The following PHF20L1 variants were observed in gnomAD, a reference collection of about 807,000 sequenced individuals.
PHF20L1 encodes PHD finger protein 20 like 1.
In PHF20L1, 44 loss-of-function variants were observed where a neutral mutation model predicts 125.5. The observed-to-expected ratio is 0.35, with a 90% CI of 0.28 to 0.45. PHF20L1 has a LOEUF of 0.45. PHF20L1 is among the 20% of genes least tolerant of loss of function. The pLI is 1.00. For missense variants in PHF20L1, 1,012 were observed against 1,217.2 expected (o/e 0.83, Z 2.51); for synonymous variants, 380 against 403.1 (o/e 0.94, Z 0.69).
intron 9 of PHF20L1, 99 bp from the exon 10 acceptor site, chr8:132,814,535 CAAT>C: frequency 1.3e-6 from 1 of 742,930 alleles, no homozygotes; most frequent in Middle Eastern, 3.9e-4. Flanking sequence ...TGTTGCTTAA[CAAT>C]GTTTCTGGAT....
intron 6 of PHF20L1, among the ~76,000 whole-genome samples, chr8:132,800,137 T>C (rs1254167419): frequency 6.6e-6 from 1 of 151,598 alleles, no homozygotes; most frequent in African/African-American, 2.4e-5. Context: ...TAAAACTTTG[T>C]TTTTTCAAAG....
At chr8:132,815,390 T>C (rs1388183890) in intron 10 of PHF20L1, 2 of 151,828 alleles carry the variant, frequency 1.3e-5, no homozygotes, top group Non-Finnish European at 2.9e-5. Flanking sequence ...ACTGTTTCAG[T>C]ACTTCTAATT....
At chr8:132,800,027 A>G (rs1832861707) in intron 6 of PHF20L1, 1 of 151,650 alleles carries the variant, frequency 6.6e-6, no homozygotes, top group African/African-American at 2.4e-5. Context: ...ATACCTGCTT[A>G]AGCAAAAGTC....
chr8:132,797,239 C>T (rs546737189), intron 4 of PHF20L1, among the ~76,000 whole-genome samples: 11 of 151,836 alleles, frequency 7.2e-5, no homozygotes, highest in Admixed American at 5.9e-4. Flanking sequence ...CCCACCTTGA[C>T]AAAAATCAGA....
At chr8:132,786,488 C>G (rs1022102608) in intron 2 of PHF20L1, among the ~76,000 whole-genome samples, 2 of 151,988 alleles carry the variant, frequency 1.3e-5, no homozygotes, top group African/African-American at 4.8e-5. Context: ...AAATAGATAA[C>G]TTGATTTTTG....
intron 18 of PHF20L1, among the ~76,000 whole-genome samples, chr8:132,840,763 C>T (rs1177568348): frequency 6.6e-6 from 1 of 152,070 alleles, no homozygotes; most frequent in Admixed American, 6.6e-5. Flanking sequence ...CTAGAGTTGA[C>T]CATGTTCTTC....
chr8:132,798,895 GT>G lies in PHF20L1; in HGVS notation c.429+37del, dbSNP rs539116453. Reference sequence around the variant, plus strand: ...TTCAGTATTCCTAGCTACCCAAAGGGTTATCTTCTTGAACGGTGACTGATCA... The same window carrying G: ...TTCAGTATTCCTAGCTACCCAAAGGGTATCTTCTTGAACGGTGACTGATCA... On this transcript the variant is annotated intron_variant, in intron 5 of 20. Transcript: ENST00000395386. 2.7e-4 allele frequency: 381 copies of G among 1,399,986 alleles called. 2 individuals carry two copies. In the African/African-American group the frequency reaches 5.0e-3, roughly 18 times the overall value. The allele number at this position is 1,399,986 out of a possible 1,614,324, so 86.7% of individuals were successfully genotyped here.
intron 12 of PHF20L1, among the ~76,000 whole-genome samples, chr8:132,821,824 T>A (rs766605089): frequency 7.9e-5 from 12 of 151,992 alleles, no homozygotes; most frequent in Non-Finnish European, 1.6e-4. Context: ...CGTTTTGTAT[T>A]CAGCTGCCAG....
chr8:132,839,600 A>G lies in PHF20L1; in HGVS notation c.2387+18A>G, dbSNP rs1351931910. 1.3e-6 allele frequency: 2 copies of G among 1,588,662 alleles called. No homozygotes were observed. The highest frequency in any genetic ancestry group is 2.7e-5 in the African/African-American group (2 of 74,526). On this transcript the variant is annotated intron_variant, in intron 18 of 20. Transcript: ENST00000395386. ...ATACTAAAGTAAGTGAAGGGCAGCA[A>G]AGGGAGGGTCACACTTCAGTGGACG... is the stretch of plus-strand genomic sequence containing the variant.
chr8:132,827,399 C>G (rs1836300152), intron 14 of PHF20L1, among the ~76,000 whole-genome samples: 2 of 151,988 alleles, frequency 1.3e-5, no homozygotes, highest in Admixed American at 6.6e-5. Flanking sequence ...CTTAGGTGTT[C>G]CAATGGAGAC....
chr8:132,801,393 G>C (rs1165451028), intron 6 of PHF20L1, among the ~76,000 whole-genome samples: 1 of 151,708 alleles, frequency 6.6e-6, no homozygotes, highest in Non-Finnish European at 1.5e-5. Context: ...AGAATCCAGT[G>C]ACTTAAAATT....
rs1281430778 is a variant in PHF20L1 at position 132,775,397 on chromosome 8, CGGCGGCGGA to C, written c.-277_-269del. On this transcript the variant is annotated 5_prime_UTR_variant, in exon 1 of 21. Coordinates refer to ENST00000395386, the MANE Select transcript of PHF20L1 (RefSeq NM_016018.5). ...GGCCCGGCGTCGCGTCAGGGCTGGC[CGGCGGCGGA>C]GGCGGCGGCGGCGGCGGCGATGGCA... is the stretch of plus-strand genomic sequence containing the variant. The C allele has an allele frequency of 7.9e-6, 3 of 380,186 alleles. No individual in the cohort carries two copies. Among genetic ancestry groups the C allele is most frequent in the Non-Finnish European group, 1.4e-5 (3 of 216,924 alleles). The allele number at this position is 380,186 out of a possible 1,614,324, so 23.6% of individuals were successfully genotyped here. A position where few individuals can be genotyped will look rare whatever the true frequency, so the allele number is the denominator to read the frequency against.
At position 132,845,798 on chromosome 8, in the gene PHF20L1, G is replaced by T; in HGVS notation, c.2929G>T (p.Asp977Tyr). The change falls in exon 21 of 21, where the codon GAT (aspartate) becomes TAT (tyrosine). Residue 977 changes from aspartate to tyrosine, a missense_variant. Physicochemically the swap from Asp to Tyr is radical, Grantham distance 160. Coordinates refer to ENST00000395386, the MANE Select transcript of PHF20L1 (RefSeq NM_016018.5). ...TCTTTTAGTTCTGGAAAGCTGGCTT[G>T]ATTTCACAGGGGAGTTGGAGCCACC... is the stretch of plus-strand genomic sequence containing the variant. ...KEVDVLESWL[D>Y]FTGELEPPDP... The T allele has an allele frequency of 2.5e-6, 4 of 1,610,066 alleles. No individual in the cohort carries two copies. Among genetic ancestry groups the T allele is most frequent in the Non-Finnish European group, 3.4e-6 (4 of 1,176,664 alleles).
In PHF20L1 at chr8:132,788,164, C is replaced by G. The variant is rs375272414; in HGVS notation, c.84-6246C>G. 5.4e-4 allele frequency among the ~76,000 whole-genome samples: 82 copies of G among 152,156 alleles called. 1 individual carries two copies. The highest frequency in any genetic ancestry group is 1.9e-3 in the African/African-American group (80 of 41,538). On this transcript the variant is annotated intron_variant, in intron 2 of 20. Transcript: ENST00000395386. The stretch of plus-strand genomic sequence containing the variant: ...GAACATCCTTGTTCAGATACTCTTT[C>G]TGTGTGCTAGCATAATGTCTTTATT...
chr8:132,833,316 T>G (rs148204132), intron 15 of PHF20L1, among the ~76,000 whole-genome samples: 3 of 152,118 alleles, frequency 2.0e-5, no homozygotes, highest in Middle Eastern at 3.2e-3. Context: ...TGGCTCGTTA[T>G]GGAGAAAGCA....
At chr8:132,803,272 C>T (rs1833300527) in intron 6 of PHF20L1, among the ~76,000 whole-genome samples, 1 of 151,672 alleles carries the variant, frequency 6.6e-6, no homozygotes. Flanking sequence ...ATCTGAACTT[C>T]AGTAGCTTTA....
rs372681555 is a variant in PHF20L1 at position 132,794,836 on chromosome 8, C to G, written c.340+19C>G. ...AAAGAAGGTATGTGTTTGAAATGAT[C>G]TGAGACTTAAAATTAGATTAATAGT... On this transcript the variant is annotated intron_variant, in intron 4 of 20. Coordinates refer to ENST00000395386, the MANE Select transcript of PHF20L1 (RefSeq NM_016018.5). 4.4e-5 allele frequency: 65 copies of G among 1,487,536 alleles called. No homozygotes were observed. The highest frequency in any genetic ancestry group is 1.9e-4 in the Admixed American group (11 of 57,202). The allele number at this position is 1,487,536 out of a possible 1,614,324, so 92.1% of individuals were successfully genotyped here.
chr8:132,843,056 T>C, intron 19 of PHF20L1, 181 bp downstream of exon 19: 1 of 1,332,722 alleles, frequency 7.5e-7, no homozygotes, highest in African/African-American at 1.5e-5. Context: ...TTTGAACATT[T>C]GATTATCTCC....
chr8:132,833,714 TGTG>T (rs1837032216), intron 15 of PHF20L1, among the ~76,000 whole-genome samples: 1 of 152,220 alleles, frequency 6.6e-6, no homozygotes, highest in Admixed American at 6.5e-5. Context: ...CTAGGCTAGT[TGTG>T]GTGCTGAAAC....
Sources: gnomAD v4.1 joint callset for allele counts (sites outside exome capture counted in the v4.1 genomes callset) on GRCh38, gnomAD v4.1.1 for gene constraint, MANE v1.5 for transcripts, NCBI Gene and HGNC (gene_info 2026-07-23, HGNC 2026-07-21) for gene names.